Variants in OPCML observed in about 807,000 individuals in gnomAD.
OPCML encodes opioid-binding protein/cell adhesion molecule.
A neutral mutation model predicts 37.8 loss-of-function variants in OPCML; 13 were observed. That is an observed-to-expected ratio of 0.34 (90% CI 0.22 to 0.55). OPCML has a LOEUF of 0.55. OPCML is among the 20% of genes least tolerant of loss of function. The pLI is 0.91. For synonymous variants in OPCML, 176 were observed against 168.8 expected (o/e 1.04, Z -0.33); for missense variants, 341 against 435.6 (o/e 0.78, Z 1.93).
intron 3 of OPCML, among the ~76,000 whole-genome samples, chr11:132,656,185 A>T (rs766734432): frequency 1.3e-4 from 20 of 152,146 alleles, no homozygotes; most frequent in Non-Finnish European, 2.1e-4. Context: ...CACCTGACAG[A>T]AATGGCTTTA....
In OPCML at chr11:132,436,774, G is replaced by A. The variant is rs2096014460; in HGVS notation, c.649C>T (p.Pro217Ser). ...RKVKITVNYP[P>S]YISKAKNTGV... ...GTGTTCTTGGCTTTTGAGATATAGG[G>A]AGGATCTGTGGGAAACACACACACA... is the stretch of plus-strand genomic sequence containing the variant. The change falls in exon 6 of 8, where the codon CCC (proline) becomes TCC (serine). Residue 217 changes from proline to serine, a missense_variant. Coordinates refer to ENST00000524381, the MANE Select transcript of OPCML (RefSeq NM_001012393.5). 1 of 1,613,970 alleles carries A rather than the reference G, an allele frequency of 6.2e-7. No homozygotes were observed. The highest frequency in any genetic ancestry group is 1.3e-5 in the African/African-American group (1 of 74,918).
intron 1 of OPCML, among the ~76,000 whole-genome samples, chr11:133,015,664 A>T (rs762865765): frequency 6.6e-6 from 1 of 152,094 alleles, no homozygotes; most frequent in Non-Finnish European, 1.5e-5. Context: ...ATATTGCCCA[A>T]TTTTTTTGGC....
intron 4 of OPCML, among the ~76,000 whole-genome samples, chr11:132,439,640 T>A (rs886437281): frequency 6.6e-6 from 1 of 151,642 alleles, no homozygotes; most frequent in African/African-American, 2.4e-5. Context: ...TAAGCCTTTT[T>A]AAGGATTAAA....
intron 2 of OPCML, among the ~76,000 whole-genome samples, chr11:132,762,145 AG>A (rs1408414643): frequency 1.3e-5 from 2 of 152,244 alleles, no homozygotes; most frequent in African/African-American, 4.8e-5. Context: ...CGGGAGCTGC[AG>A]AACAGCGAAG....
intron 3 of OPCML, among the ~76,000 whole-genome samples, chr11:132,607,427 G>A (rs952241303): frequency 5.9e-5 from 9 of 152,160 alleles, no homozygotes; most frequent in East Asian, 1.9e-4. Context: ...AGGGCCAAAC[G>A]CCACCTTGAA....
intron 1 of OPCML, among the ~76,000 whole-genome samples, chr11:132,953,963 T>C (rs1591843149): frequency 1.3e-5 from 2 of 152,362 alleles, no homozygotes; most frequent in South Asian, 4.1e-4. Flanking sequence ...CACTTCCTGC[T>C]AAAATGAATC....
chr11:133,205,921 C>T lies in OPCML; in HGVS notation c.62-262911G>A, dbSNP rs1399631462. 6.6e-6 allele frequency among the ~76,000 whole-genome samples: 1 copy of T among 152,132 alleles called. No individual in the cohort carries two copies. The highest frequency in any genetic ancestry group is 2.4e-5 in the African/African-American group (1 of 41,428). ...GGGGGCCAGGGTTCACAATCTGTCT[C>T]CAAATCCCAGACAGCTCTGTAATCT... On this transcript the variant is annotated intron_variant, in intron 1 of 7. Transcript: ENST00000524381. This position sits in a 1 kb window ranked among gnomAD's most constrained non-coding sequence, Gnocchi z 4.8.
chr11:133,476,473 A>T (rs1947243315), intron 1 of OPCML, among the ~76,000 whole-genome samples: 1 of 152,042 alleles, frequency 6.6e-6, no homozygotes, highest in Admixed American at 6.5e-5. Context: ...CACAGTTCAG[A>T]TTTCAAATAT....
chr11:133,479,456 T>C (rs1448119844), intron 1 of OPCML, among the ~76,000 whole-genome samples: 1 of 152,180 alleles, frequency 6.6e-6, no homozygotes. Context: ...GACAGGTAAA[T>C]TGGCAACCTG....
chr11:133,452,054 C>T (rs1217232607), intron 1 of OPCML, among the ~76,000 whole-genome samples: 1 of 151,274 alleles, frequency 6.6e-6, no homozygotes, highest in Non-Finnish European at 1.5e-5. Context: ...AAGAGCATAA[C>T]AGAATCCAAA....
At chr11:133,319,538 C>T (rs1425186084) in intron 1 of OPCML, among the ~76,000 whole-genome samples, 1 of 152,238 alleles carries the variant, frequency 6.6e-6, no homozygotes, top group Non-Finnish European at 1.5e-5. Flanking sequence ...TAAATTAAAA[C>T]ACCACCAGCA....
At chr11:133,242,577 C>T (rs1940771454) in intron 1 of OPCML, among the ~76,000 whole-genome samples, 1 of 152,150 alleles carries the variant, frequency 6.6e-6, no homozygotes, top group Non-Finnish European at 1.5e-5. Context: ...CCTCTCCTTG[C>T]CCTCATAAGG....
intron 1 of OPCML, among the ~76,000 whole-genome samples, chr11:133,351,876 T>A (rs1243433192): frequency 6.6e-6 from 1 of 152,104 alleles, no homozygotes; most frequent in Non-Finnish European, 1.5e-5. Flanking sequence ...GACACTACCA[T>A]CCAGCCAGCT....
intron 3 of OPCML, among the ~76,000 whole-genome samples, chr11:132,638,186 T>TATATATATATATATATAGAGAGAG (rs71067383): frequency 5.3e-5 from 7 of 131,020 alleles, no homozygotes; most frequent in African/African-American, 1.7e-4. Flanking sequence ...TATATATATA[T>TATATATATATATATATAGAGAGAG]ACAGAGAGAG....
intron 2 of OPCML, among the ~76,000 whole-genome samples, chr11:132,830,395 T>C (rs889628953): frequency 6.6e-6 from 1 of 152,174 alleles, no homozygotes; most frequent in Non-Finnish European, 1.5e-5. Context: ...CCTTGACATG[T>C]AAGGTTAGGA....
At chr11:132,831,055 C>A (rs1940654897) in intron 2 of OPCML, among the ~76,000 whole-genome samples, 1 of 151,782 alleles carries the variant, frequency 6.6e-6, no homozygotes, top group Non-Finnish European at 1.5e-5. Context: ...TACCGTCATA[C>A]ACTCAGATAA....
intron 3 of OPCML, among the ~76,000 whole-genome samples, chr11:132,621,343 A>G (rs1939396010): frequency 1.3e-5 from 2 of 152,250 alleles, no homozygotes; most frequent in Admixed American, 6.5e-5. Context: ...TTCAAAGGAC[A>G]TGAATAAAAA....
chr11:133,110,509 T>C (rs995035503), intron 1 of OPCML, among the ~76,000 whole-genome samples: 4 of 151,986 alleles, frequency 2.6e-5, no homozygotes, highest in African/African-American at 9.7e-5. Flanking sequence ...ACCCATAAAC[T>C]AGCTTGCCAT....
intron 1 of OPCML, among the ~76,000 whole-genome samples, chr11:133,199,180 C>A (rs1938663102): frequency 6.6e-6 from 1 of 152,068 alleles, no homozygotes; most frequent in African/African-American, 2.4e-5. Flanking sequence ...GGAAAAGAAT[C>A]AGAACCACCT....
Sources: gnomAD v4.1 joint callset for allele counts (sites outside exome capture counted in the v4.1 genomes callset) on GRCh38, gnomAD v4.1.1 for gene constraint, Gnocchi (gnomAD v3.1) non-coding constraint, MANE v1.5 for transcripts, NCBI Gene and HGNC (gene_info 2026-07-23, HGNC 2026-07-21) for gene names.